The following ROBO2 variants were observed in gnomAD, a reference collection of about 807,000 sequenced individuals.
The protein encoded by ROBO2 is roundabout guidance receptor 2, also known as roundabout homolog 2.
A neutral mutation model predicts 160.8 loss-of-function variants in ROBO2; 53 were observed. That is an observed-to-expected ratio of 0.33 (90% confidence interval 0.26 to 0.41). ROBO2 has a LOEUF of 0.41. Among genes scored for constraint, ROBO2 ranks in the 10% least tolerant of loss-of-function variants. The pLI is 1.00. For missense variants in ROBO2, 1,577 were observed against 1,722.4 expected (o/e 0.92, Z 1.49); for synonymous variants, 664 against 611.7 (o/e 1.09, Z -1.26).
chr3:75,966,742 C>T (rs1949130430), intron 2 of ROBO2, among the ~76,000 whole-genome samples: 1 of 151,640 alleles, frequency 6.6e-6, no homozygotes, highest in Non-Finnish European at 1.5e-5. Context: ...ATATTCTGAT[C>T]TCTGTTGCCC....
chr3:76,146,780 A>G (rs2071913643), intron 2 of ROBO2, among the ~76,000 whole-genome samples: 1 of 101,366 alleles, frequency 9.9e-6, no homozygotes. Flanking sequence ...TTCTATCATT[A>G]CCACAGACAC....
At chr3:77,401,384 T>TC (rs2075784774) in intron 2 of ROBO2, among the ~76,000 whole-genome samples, 1 of 152,138 alleles carries the variant, frequency 6.6e-6, no homozygotes, top group Non-Finnish European at 1.5e-5. Context: ...TATTTTAAAC[T>TC]TTTTCAAGGC....
chr3:77,602,494 G>A lies in ROBO2; in HGVS notation c.3136+3G>A, dbSNP rs759894286. 4.3e-6 allele frequency: 7 copies of A among 1,613,966 alleles called. No homozygotes were observed. The highest frequency in any genetic ancestry group is 1.6e-4 in the Middle Eastern group (1 of 6,084). On this transcript the variant is annotated splice_donor_region_variant and intron_variant, in intron 20 of 25. Transcript: ENST00000461745. ...TGATCAGAACAAAGGTAACAATGGT[G>A]AGTCAGGTTCTTGTGTCCTGAGGAG...
At chr3:77,474,029 A>G (rs997360105) in intron 2 of ROBO2, among the ~76,000 whole-genome samples, 1 of 152,118 alleles carries the variant, frequency 6.6e-6, no homozygotes, top group Non-Finnish European at 1.5e-5. Flanking sequence ...CCAAAGAAGA[A>G]AACCATTACC....
chr3:76,128,247 A>G (rs116187326), intron 2 of ROBO2, among the ~76,000 whole-genome samples: 2,636 of 152,188 alleles, frequency 0.017, 36 homozygotes, highest in Non-Finnish European at 0.024. Context: ...AATGAGCACC[A>G]TTTACACACA....
intron 4 of ROBO2, among the ~76,000 whole-genome samples, chr3:77,489,144 T>C (rs987670195): frequency 2.0e-5 from 3 of 152,230 alleles, no homozygotes; most frequent in African/African-American, 7.2e-5. Flanking sequence ...GAATTTCCCA[T>C]GTCACATGTT....
At chr3:76,943,760 G>A (rs1559741615) in intron 2 of ROBO2, among the ~76,000 whole-genome samples, 1 of 152,048 alleles carries the variant, frequency 6.6e-6, no homozygotes, top group East Asian at 1.9e-4. Context: ...GTTTAGGTTA[G>A]TTTTCTTTCT....
chr3:75,949,187 A>G (rs62267168), intron 2 of ROBO2, among the ~76,000 whole-genome samples: 3 of 151,670 alleles, frequency 2.0e-5, no homozygotes, highest in Non-Finnish European at 4.4e-5. Context: ...ACAACACACT[A>G]TCTTTAGCTA....
intron 4 of ROBO2, among the ~76,000 whole-genome samples, chr3:77,483,039 A>G (rs1560962983): frequency 1.3e-5 from 2 of 152,276 alleles, no homozygotes; most frequent in East Asian, 1.9e-4. Context: ...ACATGTCAAG[A>G]GTTATGTGGG....
intron 2 of ROBO2, among the ~76,000 whole-genome samples, chr3:77,306,411 A>G (rs904216710): frequency 6.6e-6 from 1 of 152,182 alleles, no homozygotes; most frequent in Non-Finnish European, 1.5e-5. Flanking sequence ...ACGCAAATGT[A>G]TAAACTCAAA....
intron 2 of ROBO2, among the ~76,000 whole-genome samples, chr3:76,767,885 G>A (rs543843459): frequency 1.3e-5 from 2 of 151,498 alleles, no homozygotes; most frequent in South Asian, 2.1e-4. Context: ...CTATTTTGTG[G>A]ACATTAACTT....
chr3:76,218,851 C>T (rs1703751133), intron 2 of ROBO2, among the ~76,000 whole-genome samples: 1 of 152,128 alleles, frequency 6.6e-6, no homozygotes, highest in Non-Finnish European at 1.5e-5. Flanking sequence ...GCCCACATCG[C>T]CAAGTCAATC....
At chr3:76,040,131 T>C (rs2067235365) in intron 2 of ROBO2, among the ~76,000 whole-genome samples, 1 of 151,966 alleles carries the variant, frequency 6.6e-6, no homozygotes, top group Non-Finnish European at 1.5e-5. Flanking sequence ...TCTCTTTCAT[T>C]ACTGAAATTA....
In ROBO2 at chr3:76,417,190, A is replaced by T. The variant is rs114071261; in HGVS notation, c.109+479588A>T. 3.4e-3 allele frequency among the ~76,000 whole-genome samples: 513 copies of T among 152,306 alleles called. 3 individuals are homozygous for T. Among genetic ancestry groups the T allele is most frequent in the African/African-American group, 0.012 (491 of 41,554 alleles). On this transcript the variant is annotated intron_variant, in intron 2 of 26. Transcript: ENST00000487694. ...GTGTAGGCTGACCACACAGCATGCT[A>T]TAAGATATTGCCATAGAAATAACCT...
At chr3:77,481,288 C>T in intron 4 of ROBO2, 69 bp downstream of exon 4, 2 of 1,322,546 alleles carry the variant, frequency 1.5e-6, no homozygotes, top group South Asian at 1.9e-5. Flanking sequence ...GTATTACTAA[C>T]ATTAAAAACT....
rs1334285154 is a variant in ROBO2 at position 77,305,048 on chromosome 3, T to C, written c.389-172366T>C. On this transcript the variant is annotated intron_variant, in intron 2 of 25. Coordinates refer to ENST00000461745, the Ensembl canonical transcript of ROBO2. ...AACCTCTCTGACCCCTTTGGGAATA[T>C]TTATTTGCTCAATAAGGACTCTATT... Among the ~76,000 whole-genome samples, 6 of 152,244 alleles carry C rather than the reference T, an allele frequency of 3.9e-5. No individual in the cohort carries two copies. The East Asian group carries it at 1.2e-3, about 29-fold the overall frequency.
chr3:76,112,305 G>A (rs1186042370), intron 2 of ROBO2, among the ~76,000 whole-genome samples: 1 of 151,970 alleles, frequency 6.6e-6, no homozygotes, highest in Non-Finnish European at 1.5e-5. Context: ...GCAAAACATA[G>A]TACTATTATT....
intron 2 of ROBO2, among the ~76,000 whole-genome samples, chr3:76,596,219 A>T (rs1372674139): frequency 6.6e-6 from 1 of 152,136 alleles, no homozygotes; most frequent in Non-Finnish European, 1.5e-5. Context: ...AGAATTGTTG[A>T]GTTTTAATTT....
At chr3:76,593,122 C>G (rs1462838388) in intron 2 of ROBO2, among the ~76,000 whole-genome samples, 6 of 152,102 alleles carry the variant, frequency 3.9e-5, no homozygotes, top group African/African-American at 7.2e-5. Flanking sequence ...GTACCATTCA[C>G]TGTGCATCAT....
Sources: gnomAD v4.1 joint callset for allele counts (sites outside exome capture counted in the v4.1 genomes callset) on GRCh38, gnomAD v4.1.1 for gene constraint, MANE v1.5 for transcripts, NCBI Gene and HGNC (gene_info 2026-07-23, HGNC 2026-07-21) for gene names.